CABIN1: variants seen among roughly 807,000 people sequenced by gnomAD.
CABIN1 encodes the protein calcineurin-binding protein cabin-1.
A neutral mutation model predicts 227.7 loss-of-function variants in CABIN1; 133 were observed. The ratio of observed to expected loss-of-function variants is 0.58; its 90% CI spans 0.51 to 0.67. The LOEUF (loss-of-function observed/expected upper bound fraction) is 0.67, where lower values mean the gene tolerates loss of function less well. CABIN1 is among the 30% of genes least tolerant of loss of function. The pLI is 0.00. For synonymous variants in CABIN1, 1,086 were observed against 1,155.1 expected, an observed-to-expected ratio of 0.94 and a Z score of 1.21; for missense variants, 2,408 against 2,852.5, an observed-to-expected ratio of 0.84 and a Z score of 3.55.
chr22:24,068,083 C>T (rs1186273794), intron 16 of CABIN1, among the ~76,000 whole-genome samples: 1 of 152,148 alleles, frequency 6.6e-6, no homozygotes, highest in Non-Finnish European at 1.5e-5. Context: ...TTGCACGAAG[C>T]ATTTTAATCA....
At chr22:24,045,752 C>G (rs959150435) in intron 6 of CABIN1, among the ~76,000 whole-genome samples, 2 of 152,224 alleles carry the variant, frequency 1.3e-5, no homozygotes, top group Non-Finnish European at 2.9e-5. Flanking sequence ...ATTTATTTCT[C>G]TCAGCTCTGG....
chr22:24,101,212 C>T (rs1268411360), intron 26 of CABIN1, among the ~76,000 whole-genome samples: 1 of 152,304 alleles, frequency 6.6e-6, no homozygotes, highest in Non-Finnish European at 1.5e-5. Flanking sequence ...AGCTGCCTTC[C>T]CACATTGGTA....
chr22:24,060,825 G>A (rs1044580376), intron 12 of CABIN1, among the ~76,000 whole-genome samples: 1 of 152,142 alleles, frequency 6.6e-6, no homozygotes, highest in Non-Finnish European at 1.5e-5. Context: ...GTGTGAACCC[G>A]GGAGGCGGAG....
intron 1 of CABIN1, among the ~76,000 whole-genome samples, chr22:24,033,950 C>T (rs1345310189): frequency 6.6e-6 from 1 of 152,192 alleles, no homozygotes; most frequent in African/African-American, 2.4e-5. Flanking sequence ...CCAGCGGTTC[C>T]CATCCATTTG....
chr22:24,172,413 G>GC (rs1297393484), intron 34 of CABIN1, among the ~76,000 whole-genome samples: 1 of 152,224 alleles, frequency 6.6e-6, no homozygotes, highest in Non-Finnish European at 1.5e-5. Context: ...TCAGCATGCT[G>GC]CAAGGCCACT....
At chr22:24,169,669 C>G (rs1271808521) in intron 33 of CABIN1, among the ~76,000 whole-genome samples, 4 of 152,186 alleles carry the variant, frequency 2.6e-5, no homozygotes, top group Non-Finnish European at 5.9e-5. Flanking sequence ...GGCCCAGGCC[C>G]AGGTCCACCA....
At chr22:24,099,258 C>G (rs965696091) in intron 26 of CABIN1, among the ~76,000 whole-genome samples, 1 of 152,114 alleles carries the variant, frequency 6.6e-6, no homozygotes, top group Non-Finnish European at 1.5e-5. Flanking sequence ...GGCTTGAGAG[C>G]AGGTTTAAAG....
At chr22:24,063,736 A>C (rs2039370266) in intron 14 of CABIN1, among the ~76,000 whole-genome samples, 1 of 152,200 alleles carries the variant, frequency 6.6e-6, no homozygotes, top group African/African-American at 2.4e-5. Flanking sequence ...TTAGTTCTGG[A>C]ATTAGGACAG....
intron 33 of CABIN1, 114 bp downstream of exon 33, chr22:24,168,635 T>C (rs968642945): frequency 5.4e-6 from 5 of 927,074 alleles, no homozygotes; most frequent in South Asian, 4.2e-5. Context: ...TGTGGTCAGC[T>C]TGGGCTGAGG....
intron 28 of CABIN1, among the ~76,000 whole-genome samples, chr22:24,120,481 G>A (rs563109936): frequency 8.5e-4 from 130 of 152,252 alleles, no homozygotes; most frequent in Non-Finnish European, 1.5e-3. Flanking sequence ...TGTCCTGGTC[G>A]TTGTCCTGCA....
At chr22:24,146,281 G>GA (rs1384730510) in intron 29 of CABIN1, among the ~76,000 whole-genome samples, 1 of 152,110 alleles carries the variant, frequency 6.6e-6, no homozygotes, top group East Asian at 1.9e-4. Flanking sequence ...GTTCTCCAGG[G>GA]AAAAAAGGTC....
At chr22:24,122,133 A>G (rs1425779440) in intron 28 of CABIN1, among the ~76,000 whole-genome samples, 2 of 141,442 alleles carry the variant, frequency 1.4e-5, no homozygotes, top group Non-Finnish European at 1.5e-5. Context: ...TGCTTAGCTC[A>G]GCACTAGACA....
chr22:24,077,666 C>T (rs1418784921), intron 19 of CABIN1, among the ~76,000 whole-genome samples: 1 of 152,178 alleles, frequency 6.6e-6, no homozygotes, highest in Non-Finnish European at 1.5e-5. Context: ...GCCCAGGACT[C>T]AGCCACTCCC....
At chr22:24,158,531 T>C (rs191674066) in intron 29 of CABIN1, among the ~76,000 whole-genome samples, 34 of 152,320 alleles carry the variant, frequency 2.2e-4, no homozygotes, top group Middle Eastern at 3.4e-3. Flanking sequence ...TTTGCTGAGT[T>C]AAAAGTCAGG....
intron 33 of CABIN1, among the ~76,000 whole-genome samples, chr22:24,170,759 C>CCCCA (rs1556005539): frequency 1.3e-5 from 2 of 148,826 alleles, no homozygotes; most frequent in African/African-American, 5.0e-5. Flanking sequence ...ACTGCCCCCC[C>CCCCA]CCCCGCCCCC....
rs766314734 is a variant in CABIN1 at position 24,134,352 on chromosome 22, A to G, written c.4683A>G (p.Gln1561=). 2 of 1,614,192 alleles carry G rather than the reference A, an allele frequency of 1.2e-6. No individual in the cohort carries two copies. The highest frequency in any genetic ancestry group is 3.3e-5 in the Admixed American group (2 of 60,034). The part of the protein sequence containing the change: ...DVLLGSSIPW[Q]QLQHMPAQGL... ...TGCTAGGCAGCAGTATCCCGTGGCA[A>G]CAACTGCAGCACATGCCGGCACAGG... The change falls in exon 29 of 37, where the codon CAA becomes CAG. Residue 1561 remains glutamine, a synonymous_variant. Coordinates refer to ENST00000263119, the MANE Select transcript of CABIN1 (RefSeq NM_012295.4).
At chr22:24,016,137 TAGC>T (rs1320089480) in intron 1 of CABIN1, among the ~76,000 whole-genome samples, 1 of 152,228 alleles carries the variant, frequency 6.6e-6, no homozygotes, top group East Asian at 1.9e-4. Context: ...CATTAGCAAT[TAGC>T]AGTTACTTCC....
intron 29 of CABIN1, among the ~76,000 whole-genome samples, chr22:24,154,196 G>A (rs1261067374): frequency 6.6e-6 from 1 of 152,138 alleles, no homozygotes; most frequent in Non-Finnish European, 1.5e-5. Context: ...GCTTCCTTTG[G>A]TCCAACTTGA....
In CABIN1 at chr22:24,171,717, CGGG is replaced by C. The variant is rs1569321353; in HGVS notation, c.5765_5767del (p.Gly1922del). The C allele has an allele frequency of 6.2e-7, 1 of 1,614,066 alleles. No individual in the cohort carries two copies. Among genetic ancestry groups the C allele is most frequent in the East Asian group, 2.2e-5 (1 of 44,878 alleles). ...ACCTCTTGTTTGTCCTCACAGGCCT[CGGG>C]GGACACCCCCACCACTCCAAAGCAC... On this transcript the variant is annotated inframe_deletion, in exon 34 of 37. Transcript: ENST00000263119.
Sources: allele counts gnomAD v4.1 joint callset (sites outside exome capture counted in the v4.1 genomes callset), GRCh38; gene constraint gnomAD v4.1.1; transcripts MANE v1.5; gene names NCBI Gene and HGNC (gene_info 2026-07-23, HGNC 2026-07-21).